The following ABCD3 variants were observed in gnomAD, a reference collection of about 807,000 sequenced individuals.
ABCD3 encodes ATP-binding cassette sub-family D member 3.
In ABCD3, 41 loss-of-function variants were observed where a neutral mutation model predicts 105.5. That is an observed-to-expected ratio of 0.39 (90% CI 0.30 to 0.50). ABCD3 has a LOEUF of 0.50. ABCD3 is among the 20% of genes least tolerant of loss of function. The pLI is 0.84. For missense variants in ABCD3, 622 were observed against 806.3 expected (o/e 0.77, Z 2.77); for synonymous variants, 258 against 269.0 (o/e 0.96, Z 0.40).
At chr1:94,500,269 C>T (rs990759085) in intron 20 of ABCD3, among the ~76,000 whole-genome samples, 13 of 151,830 alleles carry the variant, frequency 8.6e-5, no homozygotes, top group African/African-American at 2.7e-4. Context: ...ATAGCAAGAC[C>T]CTTTCTCTAC....
At chr1:94,455,629 A>T (rs1647514464) in intron 1 of ABCD3, 1 of 334,098 alleles carries the variant, frequency 3.0e-6, no homozygotes, top group Admixed American at 3.9e-5. Context: ...CTGGCAAGAA[A>T]TTTTAATTGT....
intron 2 of ABCD3, among the ~76,000 whole-genome samples, 189 bp downstream of exon 2, chr1:94,458,832 C>T (rs984399369): frequency 5.3e-5 from 8 of 152,062 alleles, no homozygotes; most frequent in Admixed American, 5.2e-4. Context: ...TAGGAGGCAG[C>T]ATTAACTGCA....
chr1:94,517,149 C>T lies in ABCD3; in HGVS notation c.*20C>T, dbSNP rs377408700. ...TCTTAGAGAAATCTGGAGAACTATA[C>T]CTGCTTCAGTGAAATAATTACAGAA... On this transcript the variant is annotated 3_prime_UTR_variant, in exon 23 of 23. Transcript: ENST00000370214. 1 of 1,535,798 alleles carries T rather than the reference C, an allele frequency of 6.5e-7. No homozygotes were observed. Among genetic ancestry groups the T allele is most frequent in the East Asian group, 2.3e-5 (1 of 44,346 alleles).
Position 94,518,605 on chromosome 1 carries a change from AC to A in ABCD3, c.*1477del, listed in dbSNP as rs1651034518. ...TTTATAATTCAGCCTTGACTTGAAA[AC>A]ATAGATAGTTTAATCTTGACTTGAA... On this transcript the variant is annotated 3_prime_UTR_variant, in exon 23 of 23. Coordinates refer to ENST00000370214, the MANE Select transcript of ABCD3 (RefSeq NM_002858.4). 6.6e-6 allele frequency: 1 copy of A among 152,242 alleles called. No individual in the cohort carries two copies. The highest frequency in any genetic ancestry group is 2.4e-5 in the African/African-American group (1 of 41,420). The allele number at this position is 152,242 out of a possible 1,614,324, so 9.4% of individuals were successfully genotyped here.
At chr1:94,397,704 A>G in the ABCD3 span, among the ~76,000 whole-genome samples, 21 of 152,116 alleles carry the variant, frequency 1.4e-4, no homozygotes, top group African/African-American at 5.1e-4. Context: ...TTTCCTTTCC[A>G]TATTCTATTA....
upstream of ABCD3, among the ~76,000 whole-genome samples, chr1:94,417,206 G>A (rs1659051472): frequency 6.6e-6 from 1 of 152,140 alleles, no homozygotes; most frequent in Non-Finnish European, 1.5e-5. Context: ...CTTCAGTTCT[G>A]CATAATTTAG....
At chr1:94,491,858 AT>A (rs1649550408) in intron 16 of ABCD3, among the ~76,000 whole-genome samples, 1 of 152,144 alleles carries the variant, frequency 6.6e-6, no homozygotes, top group South Asian at 2.1e-4. Context: ...AAGGGTTACT[AT>A]TTAGGTTTTC....
chr1:94,393,552 T>C, the ABCD3 span, among the ~76,000 whole-genome samples: 1,869 of 152,026 alleles, frequency 0.012, 14 homozygotes, highest in Non-Finnish European at 0.019. Context: ...GGCAGGAGAA[T>C]CGCTTGAACC....
At chr1:94,499,140 C>T (rs1649974632) in intron 19 of ABCD3, 106 bp downstream of exon 19, 2 of 1,041,168 alleles carry the variant, frequency 1.9e-6, no homozygotes. Flanking sequence ...GCTGTAAAGC[C>T]TTCCAAAGCT....
chr1:94,431,312 G>A (rs1659672323), intron 1 of ABCD3, among the ~76,000 whole-genome samples: 1 of 152,148 alleles, frequency 6.6e-6, no homozygotes, highest in Admixed American at 6.5e-5. Flanking sequence ...GAGATAGGCA[G>A]GTAGAAATCA....
chr1:94,496,311 G>A (rs1320763769), intron 16 of ABCD3, among the ~76,000 whole-genome samples: 1 of 152,048 alleles, frequency 6.6e-6, no homozygotes, highest in Non-Finnish European at 1.5e-5. Context: ...GACTGCTCTA[G>A]GAATCACATA....
the ABCD3 span, among the ~76,000 whole-genome samples, chr1:94,400,715 A>G: frequency 1.3e-5 from 2 of 152,234 alleles, no homozygotes; most frequent in African/African-American, 4.8e-5. Context: ...AAACTATAGT[A>G]TGATAATAGC....
rs1650959957 is a variant in ABCD3, at chr1:94,517,232, A to G, written c.*103A>G. 1 of 872,202 alleles carries G rather than the reference A, an allele frequency of 1.1e-6. No homozygotes were observed. The allele number at this position is 872,202 out of a possible 1,614,324, so 54.0% of individuals were successfully genotyped here. A position where few individuals can be genotyped will look rare whatever the true frequency, so the allele number is the denominator to read the frequency against. Reference sequence around the variant, plus strand: ...AAAGTTGAGCTTAGTTTTTTTTAAAAAAAAAAACAAAGCAACAAATTAACT... The same window carrying G: ...AAAGTTGAGCTTAGTTTTTTTTAAAGAAAAAAACAAAGCAACAAATTAACT... On this transcript the variant is annotated 3_prime_UTR_variant, in exon 23 of 23. Coordinates refer to ENST00000370214, the MANE Select transcript of ABCD3 (RefSeq NM_002858.4).
chr1:94,500,982 CTA>C (rs1650064892), intron 20 of ABCD3, among the ~76,000 whole-genome samples: 1 of 151,990 alleles, frequency 6.6e-6, no homozygotes. Flanking sequence ...AATTTCTGTA[CTA>C]TGTCTTCAGA....
chr1:94,462,103 TA>T, intron 2 of ABCD3, among the ~76,000 whole-genome samples: 1 of 152,216 alleles, frequency 6.6e-6, no homozygotes, highest in African/African-American at 2.4e-5. Context: ...TTTGTTGCAT[TA>T]TTACTTCGAC....
intron 1 of ABCD3, among the ~76,000 whole-genome samples, chr1:94,457,031 G>T (rs1247309847): frequency 6.6e-6 from 1 of 152,116 alleles, no homozygotes; most frequent in Non-Finnish European, 1.5e-5. Context: ...ATACTAGCCA[G>T]CCATTTATAT....
At chr1:94,488,134 T>C (rs1252203735) in intron 13 of ABCD3, 151 bp downstream of exon 13, 3 of 714,944 alleles carry the variant, frequency 4.2e-6, no homozygotes, top group Non-Finnish European at 7.0e-6. Flanking sequence ...ATTTTTCTGA[T>C]GGTGAACTTT....
At chr1:94,427,456 A>C (rs992440866) in intron 1 of ABCD3, among the ~76,000 whole-genome samples, 19 of 152,188 alleles carry the variant, frequency 1.2e-4, no homozygotes, top group African/African-American at 3.9e-4. Context: ...ACTTCCTTCT[A>C]AGTACCCATG....
intron 1 of ABCD3, among the ~76,000 whole-genome samples, chr1:94,434,969 G>A (rs889994030): frequency 2.0e-5 from 3 of 151,442 alleles, no homozygotes; most frequent in Admixed American, 6.6e-5. Flanking sequence ...ATTTAGTTGT[G>A]TTTGTGGTTT....
Sources: gnomAD v4.1 joint callset for allele counts (sites outside exome capture counted in the v4.1 genomes callset) on GRCh38, gnomAD v4.1.1 for gene constraint, MANE v1.5 for transcripts, NCBI Gene and HGNC (gene_info 2026-07-23, HGNC 2026-07-21) for gene names.